The following PXDNL variants were observed in gnomAD, a reference collection of about 807,000 sequenced individuals.
PXDNL encodes the protein probable oxidoreductase PXDNL.
Under a neutral mutation model 150.8 loss-of-function variants are expected in PXDNL, and 145 were observed. The observed-to-expected ratio is 0.96, with a 90% CI of 0.84 to 1.10. The LOEUF is 1.10. Ranked by LOEUF, PXDNL falls within the 50% of genes least tolerant of loss-of-function variation. The pLI is 0.00. For missense variants in PXDNL, 2,087 were observed against 1,873.9 expected, an observed-to-expected ratio of 1.11 and a Z score of -2.10; for synonymous variants, 757 against 725.7, an observed-to-expected ratio of 1.04 and a Z score of -0.69.
chr8:51,722,313 G>C (rs567738402), intron 1 of PXDNL: 1 of 152,398 alleles, frequency 6.6e-6, no homozygotes, highest in Non-Finnish European at 1.5e-5. Context: ...GCACACAGAC[G>C]AGCAGGTGCA....
chr8:51,323,245 T>G (rs559070297), intron 21 of PXDNL, among the ~76,000 whole-genome samples: 3 of 152,188 alleles, frequency 2.0e-5, no homozygotes, highest in African/African-American at 7.2e-5. Flanking sequence ...AGCTAACAAA[T>G]TAATAAATTA....
In PXDNL at chr8:51,737,369, T is replaced by A. The variant is rs77765802; in HGVS notation, c.164+71812A>T. Among the ~76,000 whole-genome samples the A allele has an allele frequency of 6.0e-3, 912 of 152,362 alleles. 13 individuals carry two copies. The highest frequency in any genetic ancestry group is 0.021 in the African/African-American group (869 of 41,586). ...TATATGCCCAAAAAGAAGCACTGCA[T>A]GAGACTTTAACTTTCATGTGGGCAA... On this transcript the variant is annotated intron_variant, in intron 1 of 22. Coordinates refer to ENST00000356297, the MANE Select transcript of PXDNL (RefSeq NM_144651.5).
At chr8:51,502,096 T>G (rs1435019812) in intron 4 of PXDNL, among the ~76,000 whole-genome samples, 4 of 152,190 alleles carry the variant, frequency 2.6e-5, no homozygotes, top group Non-Finnish European at 5.9e-5. Context: ...AAAAAAAAAT[T>G]TATTGTCCTA....
intron 5 of PXDNL, among the ~76,000 whole-genome samples, chr8:51,498,154 C>T (rs1585527103): frequency 6.6e-6 from 1 of 151,772 alleles, no homozygotes; most frequent in African/African-American, 2.4e-5. Flanking sequence ...AACTGGAAAC[C>T]ATCATTCTCA....
intron 1 of PXDNL, among the ~76,000 whole-genome samples, chr8:51,670,933 T>G (rs997703531): frequency 7.2e-5 from 11 of 152,218 alleles, no homozygotes; most frequent in Non-Finnish European, 1.2e-4. Flanking sequence ...TTCATTGCCA[T>G]GCATAAAGAA....
intron 2 of PXDNL, among the ~76,000 whole-genome samples, chr8:51,639,008 A>T (rs2130772308): frequency 2.0e-5 from 3 of 152,324 alleles, no homozygotes; most frequent in Middle Eastern, 3.4e-3. Context: ...TGTCTCTCAG[A>T]CGACAGTACA....
chr8:51,440,897 G>C (rs1382561014), intron 12 of PXDNL, among the ~76,000 whole-genome samples: 1 of 152,162 alleles, frequency 6.6e-6, no homozygotes, highest in African/African-American at 2.4e-5. Context: ...TCCCCTGTGG[G>C]GCTTACTGAG....
intron 4 of PXDNL, among the ~76,000 whole-genome samples, chr8:51,510,205 G>C (rs1220130104): frequency 2.0e-5 from 3 of 152,140 alleles, no homozygotes; most frequent in Admixed American, 6.5e-5. Flanking sequence ...GAGAGAAGGA[G>C]TTCCATTGTG....
rs183814528 is a variant in PXDNL, at chr8:51,396,413, T to G, written c.3557+11654A>C. On this transcript the variant is annotated intron_variant, in intron 17 of 22. Coordinates refer to ENST00000356297, the MANE Select transcript of PXDNL (RefSeq NM_144651.5). ...CCTGTGTCTCCACATGACTCAGCAATGACTGTGGCCTGAGAATGCCTGGCT... is the reference window on the plus strand; with the variant it reads ...CCTGTGTCTCCACATGACTCAGCAAGGACTGTGGCCTGAGAATGCCTGGCT... 3.0e-3 allele frequency among the ~76,000 whole-genome samples: 454 copies of G among 152,316 alleles called. 2 individuals are homozygous for G. Among genetic ancestry groups the G allele is most frequent in the Non-Finnish European group, 3.2e-3 (217 of 68,030 alleles).
At chr8:51,474,703 G>A (rs757957502) in intron 7 of PXDNL, among the ~76,000 whole-genome samples, 1 of 152,186 alleles carries the variant, frequency 6.6e-6, no homozygotes, top group Non-Finnish European at 1.5e-5. Context: ...TTGAAAATCA[G>A]TTTTCTCAAT....
chr8:51,709,487 C>G (rs1816451956), intron 1 of PXDNL, among the ~76,000 whole-genome samples: 1 of 152,080 alleles, frequency 6.6e-6, no homozygotes, highest in Non-Finnish European at 1.5e-5. Flanking sequence ...ATTTCCTGAC[C>G]TCGTGATCCA....
chr8:51,558,786 G>A (rs1554552638), intron 3 of PXDNL, among the ~76,000 whole-genome samples: 1 of 152,052 alleles, frequency 6.6e-6, no homozygotes, highest in Non-Finnish European at 1.5e-5. Context: ...ATGAATTCCA[G>A]ATATGTTACT....
intron 2 of PXDNL, among the ~76,000 whole-genome samples, chr8:51,621,099 TA>T (rs915878235): frequency 3.9e-5 from 6 of 152,276 alleles, no homozygotes; most frequent in African/African-American, 1.4e-4. Flanking sequence ...TTCCTCCCTT[TA>T]AAAATTGGTA....
intron 21 of PXDNL, among the ~76,000 whole-genome samples, chr8:51,323,788 T>C (rs113167446): frequency 0.34 from 50,742 of 151,228 alleles, 10,159 homozygotes; most frequent in African/African-American, 0.56. Flanking sequence ...TAGTGGTGGG[T>C]GCCTGTAATC....
At chr8:51,335,468 GCTC>G (rs1805805887) in intron 21 of PXDNL, among the ~76,000 whole-genome samples, 1 of 152,110 alleles carries the variant, frequency 6.6e-6, no homozygotes, top group Non-Finnish European at 1.5e-5. Flanking sequence ...TTCCTGGTGA[GCTC>G]CTTTCAGTAG....
chr8:51,386,618 G>C (rs913512382), intron 17 of PXDNL, among the ~76,000 whole-genome samples: 2 of 151,856 alleles, frequency 1.3e-5, no homozygotes, highest in African/African-American at 4.8e-5. Context: ...GTAGTTAAGT[G>C]GATAAATAGA....
rs558479163 is a variant in PXDNL, at chr8:51,596,161, G to T, written c.237-3463C>A. Among the ~76,000 whole-genome samples, 3 of 151,972 alleles carry T rather than the reference G, an allele frequency of 2.0e-5. No individual in the cohort carries two copies. The South Asian group carries it at 6.2e-4, about 32-fold the overall frequency. On this transcript the variant is annotated intron_variant, in intron 2 of 22. Coordinates refer to ENST00000356297, the MANE Select transcript of PXDNL (RefSeq NM_144651.5). ...GAAAACCTGTAGTATTTGTTTTTTT[G>T]GTTCATGCATTAATTCACTTAGGAT...
At chr8:51,499,840 C>A (rs1811145600) in intron 4 of PXDNL, 70 bp from the exon 5 acceptor site, 1 of 983,854 alleles carries the variant, frequency 1.0e-6, no homozygotes, top group East Asian at 2.4e-5. Context: ...GAAGAATTAG[C>A]AATTGCTTCA....
intron 1 of PXDNL, among the ~76,000 whole-genome samples, chr8:51,785,600 T>C (rs1054346890): frequency 1.3e-5 from 2 of 152,212 alleles, no homozygotes; most frequent in African/African-American, 4.8e-5. Flanking sequence ...GTTATAGTGG[T>C]CTGTGTTCAG....
Sources: allele counts gnomAD v4.1 joint callset (sites outside exome capture counted in the v4.1 genomes callset), GRCh38; gene constraint gnomAD v4.1.1; transcripts MANE v1.5; gene names NCBI Gene and HGNC (gene_info 2026-07-23, HGNC 2026-07-21).